ZNF596: variants seen among roughly 807,000 people sequenced by gnomAD.
The protein encoded by ZNF596 is zinc finger protein 596.
ZNF596 carries 45 observed loss-of-function variants against 48.3 expected under a neutral mutation model. That is an observed-to-expected ratio of 0.93 (90% confidence interval 0.73 to 1.19). The LOEUF (loss-of-function observed/expected upper bound fraction) is 1.19, where lower values mean the gene tolerates loss of function less well. ZNF596 is among the 50% of genes most tolerant of loss of function. The pLI, the probability that ZNF596 is intolerant of heterozygous loss-of-function variation, is 0.00. For missense variants in ZNF596, 848 were observed against 599.7 expected, an observed-to-expected ratio of 1.41 and a Z score of -4.32; for synonymous variants, 270 against 202.0, an observed-to-expected ratio of 1.34 and a Z score of -2.85.
chr8:232,742 C>G, intron 1 of ZNF596, 48 bp downstream of exon 1: 1 of 409,212 alleles, frequency 2.4e-6, no homozygotes. Flanking sequence ...CACCCTCGCC[C>G]CTCTTGGCCC....
intron 3 of ZNF596, 197 bp downstream of exon 3, chr8:243,210 C>G: frequency 2.4e-6 from 1 of 424,248 alleles, no homozygotes; most frequent in Non-Finnish European, 4.1e-6. Flanking sequence ...TTGATTTGTC[C>G]TCTCTCTAGA....
rs1325643352 is a variant in ZNF596, at chr8:245,179, T to C, written c.332T>C (p.Phe111Ser). The C allele has an allele frequency of 1.9e-5, 30 of 1,602,078 alleles. No individual in the cohort carries two copies. The highest frequency in any genetic ancestry group is 2.4e-5 in the Non-Finnish European group (28 of 1,173,074). Reference sequence around the variant, plus strand: ...AGATCTCATACTCAAGAGGATCCTTTTCTATGCAATGACTTAGGAGAAGAT... The same window carrying C: ...AGATCTCATACTCAAGAGGATCCTTCTCTATGCAATGACTTAGGAGAAGAT... ...TMRSHTQEDP[F>S]LCNDLGEDFT... The change falls in exon 6 of 6, where the codon TTT becomes TCT. Residue 111 changes from phenylalanine (F) to serine (S), a missense_variant. Transcript: ENST00000398612.
rs780492477 is a variant in ZNF596 at position 246,357 on chromosome 8, A to G, written c.1510A>G (p.Met504Val). 3 of 1,579,742 alleles carry G rather than the reference A, an allele frequency of 1.9e-6. No homozygotes were observed. The highest frequency in any genetic ancestry group is 3.8e-5 in the Admixed American group (2 of 52,826). Residue 504 changes from methionine to valine, a missense_variant, in exon 6 of 6, where the codon ATG (methionine) becomes GTG (valine). Coordinates refer to ENST00000398612, the MANE Select transcript of ZNF596 (RefSeq NM_001042416.3). ...ERTHTKKAMN[M>V] is the part of the protein sequence containing the mutation. ...AACTCACACTAAAAAAGCAATGAAT[A>G]TGTAAGAATCATCAGCTGTAGCGTT...
rs1325643352 is a variant in ZNF596, at chr8:245,179, T to G, written c.332T>G (p.Phe111Cys). 1.2e-6 allele frequency: 2 copies of G among 1,602,078 alleles called. No homozygotes were observed. The highest frequency in any genetic ancestry group is 2.7e-5 in the African/African-American group (2 of 74,346). ...TMRSHTQEDPFLCNDLGEDFT... is the reference protein window; with the variant it reads ...TMRSHTQEDPCLCNDLGEDFT... ...AGATCTCATACTCAAGAGGATCCTT[T>G]TCTATGCAATGACTTAGGAGAAGAT... The change falls in exon 6 of 6, where the codon TTT (phenylalanine) becomes TGT (cysteine). Residue 111 changes from phenylalanine to cysteine, a missense_variant. By Grantham distance (205) the Phe-to-Cys change is radical. Coordinates refer to ENST00000398612, the MANE Select transcript of ZNF596 (RefSeq NM_001042416.3).
chr8:241,170 A>C (rs1181644743), intron 2 of ZNF596, among the ~76,000 whole-genome samples: 1 of 152,202 alleles, frequency 6.6e-6, no homozygotes, highest in Admixed American at 6.5e-5. Flanking sequence ...ATCCAGTCTC[A>C]GGGAAATCAT....
chr8:243,686 G>T (rs773612622), intron 3 of ZNF596, 36 bp from the exon 4 acceptor site: 2 of 1,605,556 alleles, frequency 1.2e-6, no homozygotes, highest in South Asian at 1.1e-5. Flanking sequence ...TGTCAGCACA[G>T]AACTCAAAAT....
chr8:241,012 A>T (rs1220981903), intron 2 of ZNF596, 105 bp downstream of exon 2: 1 of 1,382,616 alleles, frequency 7.2e-7, no homozygotes, highest in Non-Finnish European at 1.0e-6. Context: ...TCAAGGATCC[A>T]AGCTCCAATT....
intron 3 of ZNF596, 82 bp from the exon 4 acceptor site, chr8:243,640 C>A: frequency 7.2e-7 from 1 of 1,390,674 alleles, no homozygotes. Context: ...TTATCCTTCC[C>A]AGTAGGCTGC....
chr8:237,294 T>G (rs1025215422), intron 1 of ZNF596: 17 of 152,146 alleles, frequency 1.1e-4, no homozygotes, highest in Non-Finnish European at 2.4e-4. Flanking sequence ...TGTTCATTCA[T>G]TACATTATTT....
At position 240,856 on chromosome 8, in the gene ZNF596, G is replaced by A. The variant is rs1248869710; in HGVS notation, c.-40G>A. The A allele has an allele frequency of 1.9e-6, 3 of 1,613,752 alleles. No individual in the cohort carries two copies. The highest frequency in any genetic ancestry group is 2.5e-6 in the Non-Finnish European group (3 of 1,179,722). On this transcript the variant is annotated 5_prime_UTR_variant, in exon 2 of 6. Transcript: ENST00000398612. The stretch of plus-strand genomic sequence containing the variant: ...TTCTTAGTGCTTGGATGGTGTGAGT[G>A]AAAACCCAGAGGAATACATTTGGTG...
At chr8:237,815 T>A (rs1796680100) in intron 1 of ZNF596, 1 of 152,238 alleles carries the variant, frequency 6.6e-6, no homozygotes, top group African/African-American at 2.4e-5. Flanking sequence ...AAACTTGACA[T>A]GTAGCAGACC....
chr8:241,946 T>C, intron 2 of ZNF596, among the ~76,000 whole-genome samples: 1 of 152,088 alleles, frequency 6.6e-6, no homozygotes, highest in East Asian at 1.9e-4. Flanking sequence ...CACTGTTAAA[T>C]CATCAGATCT....
rs1193704491 is a variant in ZNF596, at chr8:245,330, C to G, written c.483C>G (p.His161Gln). 6.2e-7 allele frequency: 1 copy of G among 1,614,098 alleles called. No individual in the cohort carries two copies. Among genetic ancestry groups the G allele is most frequent in the Non-Finnish European group, 8.5e-7 (1 of 1,179,980 alleles). ...CCTTTAATCAACACAAGGAAATTCA[C>G]ACCAAATGTAAATCATATGGAAGTC... ...WLSFNQHKEI[H>Q]TKCKSYGSHL... The change falls in exon 6 of 6, where the codon CAC (histidine) becomes CAG (glutamine). Residue 161 changes from histidine to glutamine, a missense_variant. By Grantham distance (24) the His-to-Gln change is conservative (BLOSUM62 0). Coordinates refer to ENST00000398612, the MANE Select transcript of ZNF596 (RefSeq NM_001042416.3).
Position 245,960 on chromosome 8 carries a change from A to T in ZNF596, c.1113A>T (p.Ala371=). 1 of 1,613,498 alleles carries T rather than the reference A, an allele frequency of 6.2e-7. No individual in the cohort carries two copies. Reference sequence around the variant, plus strand: ...ATGGATGTCATCTATGTGGGAAAGCATTCACTGAATCTTCTGTGCTTAAAC... The same window carrying T: ...ATGGATGTCATCTATGTGGGAAAGCTTTCACTGAATCTTCTGTGCTTAAAC... The part of the protein sequence containing the change: ...KPHGCHLCGK[A]FTESSVLKRH... Residue 371 remains alanine (A), a synonymous_variant, in exon 6 of 6, where the codon GCA becomes GCT. Transcript: ENST00000398612.
chr8:245,404 G>C lies in ZNF596; in HGVS notation c.557G>C (p.Ser186Thr). The change falls in exon 6 of 6, where the codon AGT becomes ACT. Residue 186 changes from serine to threonine, a missense_variant. By Grantham distance (58) the Ser-to-Thr change is moderately conservative. Transcript: ENST00000398612. ...CAAAACTCTGCCCTTAGACCACACA[G>C]TGTGACTCACACTAGAGAGATAACA... ...FIQNSALRPH[S>T]VTHTREITLE... is the part of the protein sequence containing the mutation. The C allele has an allele frequency of 6.2e-7, 1 of 1,614,170 alleles. No individual in the cohort carries two copies. Among genetic ancestry groups the C allele is most frequent in the South Asian group, 1.1e-5 (1 of 91,088 alleles).
At chr8:236,659 G>T (rs1796627437) in intron 1 of ZNF596, among the ~76,000 whole-genome samples, 1 of 151,964 alleles carries the variant, frequency 6.6e-6, no homozygotes, top group Non-Finnish European at 1.5e-5. Flanking sequence ...CTATTAATGT[G>T]ATTTTTTTAA....
chr8:246,289 G>A lies in ZNF596; in HGVS notation c.1442G>A (p.Gly481Glu), dbSNP rs1283969834. ...GEKPYVCPLC[G>E]KAFSKFFNLR... ...AAACCATATGTATGTCCTCTATGTG[G>A]GAAAGCCTTTAGTAAATTTTTTAAC... is the stretch of plus-strand genomic sequence containing the variant. Residue 481 changes from glycine (G) to glutamate (E), a missense_variant, in exon 6 of 6, where the codon GGG (glycine) becomes GAG (glutamate). Coordinates refer to ENST00000398612, the MANE Select transcript of ZNF596 (RefSeq NM_001042416.3). 3.7e-6 allele frequency: 6 copies of A among 1,608,326 alleles called. No homozygotes were observed. Among genetic ancestry groups the A allele is most frequent in the Non-Finnish European group, 5.1e-6 (6 of 1,178,484 alleles).
At chr8:240,225 T>A (rs1796796277) in intron 1 of ZNF596, 1 of 152,282 alleles carries the variant, frequency 6.6e-6, no homozygotes, top group Admixed American at 6.5e-5. Flanking sequence ...GTAAAGTGTG[T>A]CTTTTAAGGA....
In ZNF596 at chr8:238,567, G is replaced by T. The variant is rs191427010; in HGVS notation, c.-72-2257G>T. On this transcript the variant is annotated intron_variant, in intron 1 of 5. Transcript: ENST00000398612. The stretch of plus-strand genomic sequence containing the variant: ...TGTAATCACAGCACTTTGAGAGGCC[G>T]AGGTAGGCAGATCATTTGAGGCCAG... Among the ~76,000 whole-genome samples the T allele has an allele frequency of 6.8e-4, 99 of 146,526 alleles. 1 individual carries two copies. In the East Asian group the frequency reaches 0.016, roughly 23 times the overall value.
Sources: allele counts gnomAD v4.1 joint callset (sites outside exome capture counted in the v4.1 genomes callset), GRCh38; gene constraint gnomAD v4.1.1; transcripts MANE v1.5; gene names NCBI Gene and HGNC (gene_info 2026-07-23, HGNC 2026-07-21).